Variants in SGK3 observed in about 807,000 individuals in gnomAD.
The protein encoded by SGK3 is serum/glucocorticoid regulated kinase family member 3, also known as serine/threonine-protein kinase Sgk3.
In SGK3, 47 loss-of-function variants were observed where a neutral mutation model predicts 68.5. That is an observed-to-expected ratio of 0.69 (90% confidence interval 0.54 to 0.87). The LOEUF is 0.87. SGK3 is among the 40% of genes least tolerant of loss of function. The pLI is 0.00. For synonymous variants in SGK3, 181 were observed against 189.1 expected (o/e 0.96, Z 0.35); for missense variants, 479 against 575.5 (o/e 0.83, Z 1.72).
chr8:66,770,957 A>AT (rs1806491345), intron 1 of SGK3, among the ~76,000 whole-genome samples: 1 of 152,092 alleles, frequency 6.6e-6, no homozygotes, highest in African/African-American at 2.4e-5. Flanking sequence ...CTGCGGGTAA[A>AT]TTTTGTGTGC....
At chr8:66,830,895 A>G (rs1809277057) in intron 7 of SGK3, among the ~76,000 whole-genome samples, 1 of 152,208 alleles carries the variant, frequency 6.6e-6, no homozygotes, top group African/African-American at 2.4e-5. Flanking sequence ...TTCCTCAACA[A>G]CATTGGACCA....
intron 3 of SGK3, among the ~76,000 whole-genome samples, chr8:66,801,542 A>G (rs1807945339): frequency 6.6e-6 from 1 of 152,090 alleles, no homozygotes; most frequent in South Asian, 2.1e-4. Context: ...CATGTCTTTG[A>G]GGAGTGTGTA....
At chr8:66,794,557 T>C (rs1163222369) in intron 2 of SGK3, among the ~76,000 whole-genome samples, 1 of 152,016 alleles carries the variant, frequency 6.6e-6, no homozygotes, top group African/African-American at 2.4e-5. Flanking sequence ...ACCTACTGAG[T>C]AATATGAAGA....
intron 2 of SGK3, among the ~76,000 whole-genome samples, chr8:66,797,700 A>G (rs1369199200): frequency 1.3e-5 from 2 of 152,248 alleles, no homozygotes; most frequent in Non-Finnish European, 2.9e-5. Flanking sequence ...AAGGAAGAGA[A>G]CTAACAATTG....
intron 1 of SGK3, among the ~76,000 whole-genome samples, chr8:66,723,090 CATATATATATA>C (rs1804846113): frequency 1.4e-4 from 3 of 21,276 alleles, no homozygotes; most frequent in African/African-American, 7.3e-4. Context: ...AGATTTTGTT[CATATATATATA>C]TATATATATA....
At chr8:66,848,115 C>T (rs1175140073) in intron 15 of SGK3, among the ~76,000 whole-genome samples, 3 of 152,142 alleles carry the variant, frequency 2.0e-5, no homozygotes, top group African/African-American at 4.8e-5. Context: ...TACTGCTTTA[C>T]CCCTGCTCCC....
At chr8:66,770,471 C>T (rs1266392327) in intron 1 of SGK3, among the ~76,000 whole-genome samples, 4 of 152,044 alleles carry the variant, frequency 2.6e-5, no homozygotes, top group Admixed American at 6.6e-5. Flanking sequence ...TCAGATTTTA[C>T]TTCCATGTGT....
At chr8:66,790,430 G>T (rs909974742) in intron 1 of SGK3, among the ~76,000 whole-genome samples, 1 of 152,188 alleles carries the variant, frequency 6.6e-6, no homozygotes, top group African/African-American at 2.4e-5. Context: ...TGAATTTGGG[G>T]TTCAGCATTC....
intron 15 of SGK3, among the ~76,000 whole-genome samples, chr8:66,847,720 T>C (rs1810092019): frequency 6.6e-6 from 1 of 152,172 alleles, no homozygotes; most frequent in African/African-American, 2.4e-5. Flanking sequence ...TTTCATGAAC[T>C]AATAACACAG....
intron 1 of SGK3, among the ~76,000 whole-genome samples, chr8:66,723,131 A>ATCTATATATT (rs1554591219): frequency 1.0e-4 from 3 of 29,496 alleles, no homozygotes; most frequent in Non-Finnish European, 1.8e-4. Context: ...ATATATATAT[A>ATCTATATATT]TTTTTTTTTT....
intron 10 of SGK3, 138 bp from the exon 11 acceptor site, chr8:66,839,865 T>A (rs1809726816): frequency 1.3e-6 from 1 of 741,494 alleles, no homozygotes; most frequent in Non-Finnish European, 2.1e-6. Context: ...TTTCTGTGCC[T>A]TGTTAACATT....
chr8:66,792,671 G>A (rs760933840), intron 1 of SGK3, among the ~76,000 whole-genome samples: 2 of 152,022 alleles, frequency 1.3e-5, no homozygotes, highest in Non-Finnish European at 2.9e-5. Context: ...TTGAGCCCAG[G>A]AGTTCAAGAC....
intron 2 of SGK3, 87 bp downstream of exon 2, chr8:66,793,919 C>T: frequency 2.2e-6 from 3 of 1,373,786 alleles, no homozygotes; most frequent in Non-Finnish European, 3.0e-6. Context: ...CCTAGAACAC[C>T]CCCTTCCCCA....
At chr8:66,828,295 G>A (rs954701343) in intron 6 of SGK3, among the ~76,000 whole-genome samples, 2 of 152,090 alleles carry the variant, frequency 1.3e-5, no homozygotes, top group Non-Finnish European at 2.9e-5. Flanking sequence ...AAAACAAAAA[G>A]CCATTTTTAA....
chr8:66,847,207 C>T lies in SGK3; in HGVS notation c.1089C>T (p.Cys363=). ...EMLYGLPPFY[C]RDVAEMYDNI... is the part of the protein sequence containing the mutation. Reference sequence around the variant, plus strand: ...TTTTTTTCCAGCCTCCTTTTTATTGCCGAGATGTTGCTGAAATGTATGACA... The same window carrying T: ...TTTTTTTCCAGCCTCCTTTTTATTGTCGAGATGTTGCTGAAATGTATGACA... The change falls in exon 15 of 17, where the codon TGC becomes TGT. Residue 363 remains cysteine, a synonymous_variant. Coordinates refer to ENST00000521198, the MANE Select transcript of SGK3 (RefSeq NM_001033578.3). 3 of 1,602,514 alleles carry T rather than the reference C, an allele frequency of 1.9e-6. No individual in the cohort carries two copies. Among genetic ancestry groups the T allele is most frequent in the South Asian group, 2.3e-5 (2 of 88,052 alleles).
At chr8:66,722,093 G>A (rs1427297386) in intron 1 of SGK3, among the ~76,000 whole-genome samples, 1 of 152,082 alleles carries the variant, frequency 6.6e-6, no homozygotes, top group Non-Finnish European at 1.5e-5. Context: ...AAGAGTTAGG[G>A]ATAGAGGATC....
Position 66,836,034 on chromosome 8 carries a change from A to G in SGK3, c.701A>G (p.Glu234Gly), listed in dbSNP as rs139287562. 445 of 1,613,616 alleles carry G rather than the reference A, an allele frequency of 2.8e-4. No individual in the cohort carries two copies. The highest frequency in any genetic ancestry group is 3.5e-4 in the Non-Finnish European group (411 of 1,179,860). ...TTGCATTATTCCTTCCAAACAACTG[A>G]AAAGCTTTATTTTGTTCTGGATTTT... ...VGLHYSFQTT[E>G]KLYFVLDFVN... The change falls in exon 10 of 17, where the codon GAA (glutamate) becomes GGA (glycine). Residue 234 changes from glutamate (E) to glycine (G), a missense_variant. Transcript: ENST00000521198.
chr8:66,742,561 C>T (rs1416791675), intron 1 of SGK3, among the ~76,000 whole-genome samples: 1 of 152,104 alleles, frequency 6.6e-6, no homozygotes, highest in Non-Finnish European at 1.5e-5. Context: ...AAGATGAGGT[C>T]TCACTGTGTT....
chr8:66,804,939 C>T (rs1319180832), intron 4 of SGK3, among the ~76,000 whole-genome samples: 1 of 152,034 alleles, frequency 6.6e-6, no homozygotes, highest in East Asian at 1.9e-4. Context: ...ATTAGCTGGG[C>T]ATGGTGGCGT....
Sources: allele counts gnomAD v4.1 joint callset (sites outside exome capture counted in the v4.1 genomes callset), GRCh38; gene constraint gnomAD v4.1.1; transcripts MANE v1.5; gene names NCBI Gene and HGNC (gene_info 2026-07-23, HGNC 2026-07-21).